Variants in VPS8 observed in about 807,000 individuals in gnomAD.
The protein encoded by VPS8 is VPS8 subunit of CORVET complex.
Under a neutral mutation model 216.4 loss-of-function variants are expected in VPS8, and 129 were observed. The ratio of observed to expected loss-of-function variants is 0.60; its 90% CI spans 0.52 to 0.69. The LOEUF (loss-of-function observed/expected upper bound fraction) is 0.69. Ranked by LOEUF, VPS8 falls within the 30% of genes least tolerant of loss-of-function variation. VPS8 has a pLI of 0.00. For synonymous variants in VPS8, 571 were observed against 565.4 expected (o/e 1.01, Z -0.14); for missense variants, 1,531 against 1,683.5 (o/e 0.91, Z 1.59).
chr3:184,869,773 C>T (rs573866058), intron 20 of VPS8, among the ~76,000 whole-genome samples: 1 of 152,180 alleles, frequency 6.6e-6, no homozygotes, highest in African/African-American at 2.4e-5. Context: ...ACCTGTAGTC[C>T]TAGCTACTTG....
intron 45 of VPS8, among the ~76,000 whole-genome samples, chr3:185,020,318 T>C (rs1756462860): frequency 6.6e-6 from 1 of 152,204 alleles, no homozygotes; most frequent in Non-Finnish European, 1.5e-5. Flanking sequence ...ATGTGCAACA[T>C]AGAAAGATCA....
intron 17 of VPS8, among the ~76,000 whole-genome samples, chr3:184,867,455 A>C (rs1182182281): frequency 1.4e-4 from 21 of 152,222 alleles, no homozygotes; most frequent in Admixed American, 1.4e-3. Flanking sequence ...AATATTGCCA[A>C]GTCAGTAGAG....
intron 16 of VPS8, among the ~76,000 whole-genome samples, chr3:184,865,158 G>A (rs767381957): frequency 6.6e-6 from 1 of 152,152 alleles, no homozygotes; most frequent in South Asian, 2.1e-4. Flanking sequence ...TTAAGAAATA[G>A]TATTAGTGAA....
At chr3:184,818,539 A>T (rs926245479) in intron 1 of VPS8, among the ~76,000 whole-genome samples, 4 of 145,424 alleles carry the variant, frequency 2.8e-5, no homozygotes, top group Non-Finnish European at 4.6e-5. Context: ...AAAAAAAAAA[A>T]GTCCATTTGC....
At chr3:185,035,007 A>G (rs1485492236) in intron 46 of VPS8, among the ~76,000 whole-genome samples, 2 of 152,192 alleles carry the variant, frequency 1.3e-5, no homozygotes, top group Admixed American at 6.5e-5. Flanking sequence ...GGAAATGGAT[A>G]AATTCCTGGA....
intron 45 of VPS8, among the ~76,000 whole-genome samples, chr3:185,021,093 A>G (rs996409405): frequency 2.0e-5 from 3 of 152,168 alleles, no homozygotes; most frequent in African/African-American, 7.2e-5. Context: ...AAAAAACAAG[A>G]TGATAAAGAA....
At chr3:184,876,052 T>C (rs954617926) in intron 21 of VPS8, among the ~76,000 whole-genome samples, 4 of 151,890 alleles carry the variant, frequency 2.6e-5, no homozygotes, top group Admixed American at 2.0e-4. Flanking sequence ...ACCTATTCCA[T>C]GTCTATAAAT....
intron 45 of VPS8, among the ~76,000 whole-genome samples, chr3:185,010,894 G>A (rs760026091): frequency 3.9e-5 from 6 of 152,088 alleles, no homozygotes; most frequent in Admixed American, 6.5e-5. Flanking sequence ...TCCCAGCTGA[G>A]GAGCTGAGGC....
chr3:184,913,183 C>A (rs1209707440), intron 25 of VPS8, among the ~76,000 whole-genome samples: 2 of 152,178 alleles, frequency 1.3e-5, no homozygotes, highest in Non-Finnish European at 2.9e-5. Context: ...TGCCTTAACA[C>A]TAATTAATTG....
intron 1 of VPS8, among the ~76,000 whole-genome samples, chr3:184,814,876 A>G (rs1715967535): frequency 6.6e-6 from 1 of 152,246 alleles, no homozygotes; most frequent in South Asian, 2.1e-4. Flanking sequence ...TTTTTAATTT[A>G]AAAAAGTTTT....
At position 184,886,153 on chromosome 3, in the gene VPS8, G is replaced by T; in HGVS notation, c.1778G>T (p.Arg593Leu). ...VIVDYCLLLQ[R>L]KDLLFSQMYD... Reference sequence around the variant, plus strand: ...GTTGATTACTGCCTTCTGCTGCAGCGAAAGTGAGTATGCGTTGCCTGTCAC... The same window carrying T: ...GTTGATTACTGCCTTCTGCTGCAGCTAAAGTGAGTATGCGTTGCCTGTCAC... The change falls in exon 22 of 48, where the codon CGA becomes CTA. Residue 593 changes from arginine to leucine, a missense_variant. By Grantham distance (102) the Arg-to-Leu change is moderately radical. Around this residue, in one of 3 missense-constraint regions of VPS8, gnomAD observed 1,318 missense variants for 1,468.4 expected, o/e 0.90. Transcript: ENST00000625842. The T allele has an allele frequency of 6.2e-7, 1 of 1,607,674 alleles. No homozygotes were observed. The highest frequency in any genetic ancestry group is 8.5e-7 in the Non-Finnish European group (1 of 1,176,834).
intron 46 of VPS8, among the ~76,000 whole-genome samples, chr3:185,044,938 AAGG>A (rs1284127939): frequency 6.6e-6 from 1 of 152,118 alleles, no homozygotes; most frequent in Non-Finnish European, 1.5e-5. Context: ...TGCAGAGGGG[AAGG>A]AGGTGTGTGG....
chr3:184,913,890 G>T (rs1160899490), intron 26 of VPS8, among the ~76,000 whole-genome samples: 1 of 152,210 alleles, frequency 6.6e-6, no homozygotes, highest in Non-Finnish European at 1.5e-5. Context: ...TATCAGTAGG[G>T]CTGAGGTTGA....
At chr3:185,004,564 C>T (rs1018529012) in intron 45 of VPS8, among the ~76,000 whole-genome samples, 3 of 152,074 alleles carry the variant, frequency 2.0e-5, no homozygotes, top group African/African-American at 7.2e-5. Context: ...GCCATTCTTG[C>T]AGGAGTAAAG....
intron 34 of VPS8, among the ~76,000 whole-genome samples, 167 bp downstream of exon 34, chr3:184,930,735 T>C (rs191383540): frequency 7.9e-5 from 12 of 152,344 alleles, no homozygotes; most frequent in Non-Finnish European, 1.6e-4. Context: ...ATAAAGTCTG[T>C]GTCACATGCA....
At chr3:184,901,115 A>T (rs1734403626) in intron 25 of VPS8, 143 bp downstream of exon 25, 3 of 727,138 alleles carry the variant, frequency 4.1e-6, no homozygotes, top group Non-Finnish European at 6.9e-6. Flanking sequence ...ATCAAGCTGC[A>T]GAAGGAGCCA....
chr3:184,843,733 A>G (rs1577852580), intron 8 of VPS8, among the ~76,000 whole-genome samples: 1 of 152,370 alleles, frequency 6.6e-6, no homozygotes, highest in African/African-American at 2.4e-5. Flanking sequence ...ACAGTTTTGT[A>G]TAGAAACTCA....
intron 3 of VPS8, among the ~76,000 whole-genome samples, chr3:184,826,944 G>A (rs995347638): frequency 1.2e-4 from 18 of 152,182 alleles, no homozygotes; most frequent in African/African-American, 3.9e-4. Flanking sequence ...GGTGAAGCAC[G>A]CCTGTTTTAT....
At chr3:184,920,344 A>G (rs1738390343) in intron 29 of VPS8, 146 bp downstream of exon 29, 1 of 555,534 alleles carries the variant, frequency 1.8e-6, no homozygotes, top group Non-Finnish European at 3.0e-6. Context: ...TGTTCTCAAG[A>G]GCTGAATTAA....
Sources: gnomAD v4.1 joint callset for allele counts (sites outside exome capture counted in the v4.1 genomes callset) on GRCh38, gnomAD v4.1.1 for gene constraint, gnomAD v4.1.1 regional missense constraint, MANE v1.5 for transcripts, NCBI Gene and HGNC (gene_info 2026-07-23, HGNC 2026-07-21) for gene names.